Variants in TSPAN15 observed in about 807,000 individuals in gnomAD.
The protein encoded by TSPAN15 is tetraspanin 15, also known as tetraspanin-15.
TSPAN15 carries 20 observed loss-of-function variants against 34.5 expected under a neutral mutation model. That is an observed-to-expected ratio of 0.58 (90% CI 0.41 to 0.84). The LOEUF is 0.84. TSPAN15 is among the 40% of genes least tolerant of loss of function. The probability of loss-of-function intolerance (pLI) is 0.00; values close to 1 mark genes in which losing one functional copy is unlikely to be tolerated. For missense variants in TSPAN15, 313 were observed against 386.1 expected, an observed-to-expected ratio of 0.81 and a Z score of 1.59; for synonymous variants, 155 against 153.9, an observed-to-expected ratio of 1.01 and a Z score of -0.05.
At chr10:69,523,457 G>T in the TSPAN15 span, 1 of 548,278 alleles carries the variant, frequency 1.8e-6, no homozygotes. Flanking sequence ...CTGGCCCAAA[G>T]GGGCTTTCTG....
intron 1 of TSPAN15, among the ~76,000 whole-genome samples, chr10:69,457,029 A>C (rs1287179345): frequency 1.3e-5 from 2 of 152,168 alleles, no homozygotes; most frequent in African/African-American, 2.4e-5. Context: ...ACGCTGAGGC[A>C]CTTAGAGCCT....
chr10:69,486,291 G>A (rs2133118262), intron 3 of TSPAN15, among the ~76,000 whole-genome samples: 1 of 152,304 alleles, frequency 6.6e-6, no homozygotes, highest in South Asian at 2.1e-4. Context: ...TTGAGGAGCA[G>A]GACATGTTTG....
At chr10:69,509,874 A>G (rs1350757177), downstream of TSPAN15, among the ~76,000 whole-genome samples, 1 of 152,064 alleles carries the variant, frequency 6.6e-6, no homozygotes, top group East Asian at 1.9e-4. Context: ...AGGTTTGTCA[A>G]AGATCAGATA....
chr10:69,509,056 C>T (rs1355744416), downstream of TSPAN15, among the ~76,000 whole-genome samples: 1 of 151,608 alleles, frequency 6.6e-6, no homozygotes, highest in Non-Finnish European at 1.5e-5. Flanking sequence ...TCTGGCTGTT[C>T]TGAGAACCCC....
intron 1 of TSPAN15, among the ~76,000 whole-genome samples, chr10:69,481,757 A>G (rs1841739561): frequency 6.6e-6 from 1 of 152,146 alleles, no homozygotes; most frequent in African/African-American, 2.4e-5. Flanking sequence ...TGACAGCACC[A>G]TGTCTTCCAC....
At chr10:69,475,302 CATAAACCATTTCTCAG>C (rs1841593282) in intron 1 of TSPAN15, among the ~76,000 whole-genome samples, 1 of 152,144 alleles carries the variant, frequency 6.6e-6, no homozygotes, top group Admixed American at 6.5e-5. Context: ...CGTCTGAAGC[CATAAACCATTTCTCAG>C]ATTTATTCTC....
chr10:69,475,049 G>A (rs1372811616), intron 1 of TSPAN15, among the ~76,000 whole-genome samples: 7 of 152,170 alleles, frequency 4.6e-5, no homozygotes, highest in South Asian at 4.1e-4. Flanking sequence ...AGGCAGGCCC[G>A]TGGCTCTCTT....
At chr10:69,546,066 A>G in the TSPAN15 span, among the ~76,000 whole-genome samples, 1 of 152,114 alleles carries the variant, frequency 6.6e-6, no homozygotes, top group Non-Finnish European at 1.5e-5. Flanking sequence ...TTTCCTTGCT[A>G]TCTACCCATT....
the TSPAN15 span, among the ~76,000 whole-genome samples, chr10:69,519,814 C>A: frequency 3.3e-5 from 5 of 152,052 alleles, no homozygotes; most frequent in African/African-American, 9.7e-5. Context: ...CTCACCGCAA[C>A]CTCTGCCTCC....
Position 69,506,779 on chromosome 10 carries a change from G to A in TSPAN15, c.736-50G>A. The A allele has an allele frequency of 1.3e-6, 2 of 1,538,308 alleles. No individual in the cohort carries two copies. Among genetic ancestry groups the A allele is most frequent in the Non-Finnish European group, 1.8e-6 (2 of 1,136,616 alleles). On this transcript the variant is annotated intron_variant, in intron 7 of 7. Transcript: ENST00000373290. The surrounding 1 kb of genome is among the most constrained non-coding windows in gnomAD (Gnocchi z 4.7). ...CTGGGAGCCGGGAGCTGCAGGGAGG[G>A]CTGCCCTGATTCCCAGCAGGCCCTC...
At chr10:69,508,440 C>CAAAAAAAAAAAAAAAAAAAA (rs71009229), downstream of TSPAN15, among the ~76,000 whole-genome samples, 1 of 62,174 alleles carries the variant, frequency 1.6e-5, no homozygotes. Flanking sequence ...GACTCCATCT[C>CAAAAAAAAAAAAAAAAAAAA]AAAAAAAAAA....
the TSPAN15 span, among the ~76,000 whole-genome samples, chr10:69,536,415 G>C: frequency 1.3e-5 from 2 of 152,178 alleles, no homozygotes; most frequent in African/African-American, 4.8e-5. Context: ...ATGAAGAAAT[G>C]GTGCCTGTCC....
the TSPAN15 span, among the ~76,000 whole-genome samples, chr10:69,544,221 C>T: frequency 2.0e-5 from 3 of 152,176 alleles, no homozygotes; most frequent in African/African-American, 7.2e-5. Flanking sequence ...CTATTAATCC[C>T]TTTTTGAAAC....
the TSPAN15 span, among the ~76,000 whole-genome samples, chr10:69,537,208 C>T: frequency 6.6e-6 from 1 of 152,116 alleles, no homozygotes; most frequent in Admixed American, 6.5e-5. Context: ...TGCAGGGCAA[C>T]AACCGTTCAC....
At chr10:69,478,550 C>A (rs1365614261) in intron 1 of TSPAN15, among the ~76,000 whole-genome samples, 1 of 152,196 alleles carries the variant, frequency 6.6e-6, no homozygotes, top group African/African-American at 2.4e-5. Context: ...ATTCCTAGAG[C>A]CCTCTTCACC....
intron 1 of TSPAN15, among the ~76,000 whole-genome samples, chr10:69,465,051 C>G (rs1841353921): frequency 6.6e-6 from 1 of 152,226 alleles, no homozygotes; most frequent in Non-Finnish European, 1.5e-5. Flanking sequence ...ACAGATGAAC[C>G]AGCCCTGTCC....
chr10:69,508,251 A>G (rs1237348536), downstream of TSPAN15, among the ~76,000 whole-genome samples: 1 of 150,950 alleles, frequency 6.6e-6, no homozygotes. Context: ...GACCAGCCTG[A>G]CCAACATAGT....
intron 1 of TSPAN15, among the ~76,000 whole-genome samples, chr10:69,453,467 G>A (rs1245126802): frequency 6.6e-6 from 1 of 152,152 alleles, no homozygotes; most frequent in Admixed American, 6.5e-5. Context: ...AGAGTTGAAA[G>A]AGCCTAAGGT....
At chr10:69,522,375 CAAAAAAA>C in the TSPAN15 span, among the ~76,000 whole-genome samples, 3 of 48,362 alleles carry the variant, frequency 6.2e-5, no homozygotes, top group African/African-American at 2.5e-4. Context: ...GACCTTGTCT[CAAAAAAA>C]AAAAAAAAAA....
Sources: allele counts gnomAD v4.1 joint callset (sites outside exome capture counted in the v4.1 genomes callset), GRCh38; gene constraint gnomAD v4.1.1; non-coding constraint Gnocchi (gnomAD v3.1); transcripts MANE v1.5; gene names NCBI Gene and HGNC (gene_info 2026-07-23, HGNC 2026-07-21).